The following ADGRL3 variants were observed in gnomAD, a reference collection of about 807,000 sequenced individuals.
ADGRL3 encodes the protein calcium-independent alpha-latrotoxin receptor 3.
Under a neutral mutation model 153.5 loss-of-function variants are expected in ADGRL3, and 62 were observed. The ratio of observed to expected loss-of-function variants is 0.40; its 90% CI spans 0.33 to 0.50. The LOEUF is 0.50. Ranked by LOEUF, ADGRL3 falls within the 20% of genes least tolerant of loss-of-function variation. ADGRL3 has a pLI of 0.47. For synonymous variants in ADGRL3, 710 were observed against 672.5 expected (o/e 1.06, Z -0.86); for missense variants, 1,641 against 1,859.4 (o/e 0.88, Z 2.16).
At chr4:61,806,106 A>G (rs1454367722) in intron 8 of ADGRL3, among the ~76,000 whole-genome samples, 1 of 152,130 alleles carries the variant, frequency 6.6e-6, no homozygotes, top group Non-Finnish European at 1.5e-5. Flanking sequence ...TACGATGTCT[A>G]AGAGATTCTG....
chr4:61,509,920 C>T (rs2098454088), intron 3 of ADGRL3, among the ~76,000 whole-genome samples: 8 of 152,130 alleles, frequency 5.3e-5, no homozygotes, highest in South Asian at 2.1e-4. Context: ...CATAGCCTTG[C>T]CAACACCTGT....
chr4:61,307,434 C>T (rs1232721410), intron 1 of ADGRL3, among the ~76,000 whole-genome samples: 1 of 152,086 alleles, frequency 6.6e-6, no homozygotes, highest in Admixed American at 6.6e-5. Flanking sequence ...ATTCACGTAG[C>T]AAATGAATCA....
intron 1 of ADGRL3, among the ~76,000 whole-genome samples, chr4:61,259,700 G>T (rs1014733341): frequency 6.6e-6 from 1 of 152,056 alleles, no homozygotes; most frequent in Non-Finnish European, 1.5e-5. Context: ...AGGAAAGCAG[G>T]AGTGTTTATT....
chr4:61,986,739 G>C (rs576435445), intron 19 of ADGRL3, among the ~76,000 whole-genome samples: 3 of 152,170 alleles, frequency 2.0e-5, no homozygotes, highest in African/African-American at 7.2e-5. Flanking sequence ...TATATCACAG[G>C]GGGGCATAAC....
At chr4:61,964,652 A>C (rs1370046159) in intron 17 of ADGRL3, among the ~76,000 whole-genome samples, 1 of 152,138 alleles carries the variant, frequency 6.6e-6, no homozygotes, top group Non-Finnish European at 1.5e-5. Flanking sequence ...TTTTAAGTAC[A>C]ATCATAAATC....
At chr4:61,329,091 G>C (rs757117103) in intron 1 of ADGRL3, among the ~76,000 whole-genome samples, 25 of 152,106 alleles carry the variant, frequency 1.6e-4, no homozygotes, top group Non-Finnish European at 3.1e-4. Context: ...AGACATGAAG[G>C]ACTGGTGTTT....
intron 9 of ADGRL3, among the ~76,000 whole-genome samples, chr4:61,859,725 T>A (rs2098320521): frequency 6.6e-6 from 1 of 152,236 alleles, no homozygotes; most frequent in Admixed American, 6.5e-5. Context: ...TGCTGAGGAA[T>A]AACTGAGACT....
intron 2 of ADGRL3, among the ~76,000 whole-genome samples, chr4:61,407,300 A>T (rs958151243): frequency 6.6e-6 from 1 of 152,136 alleles, no homozygotes; most frequent in African/African-American, 2.4e-5. Flanking sequence ...TTGCTTTGTT[A>T]TTACAGAAGT....
chr4:61,762,958 T>G (rs2096930286), intron 8 of ADGRL3, among the ~76,000 whole-genome samples: 1 of 152,088 alleles, frequency 6.6e-6, no homozygotes, highest in African/African-American at 2.4e-5. Context: ...ATCCATTCAG[T>G]TTTGGTGCTA....
chr4:61,549,189 C>A (rs938557386), intron 4 of ADGRL3, among the ~76,000 whole-genome samples: 1 of 151,870 alleles, frequency 6.6e-6, no homozygotes, highest in African/African-American at 2.4e-5. Context: ...GATTTTTTAT[C>A]CTGAGACTTT....
At chr4:61,227,209 C>T (rs1005075236) in intron 1 of ADGRL3, among the ~76,000 whole-genome samples, 18 of 151,394 alleles carry the variant, frequency 1.2e-4, no homozygotes, top group Non-Finnish European at 2.5e-4. Context: ...TGGCACCTCA[C>T]TTTTTTTTTC....
intron 1 of ADGRL3, among the ~76,000 whole-genome samples, chr4:61,347,269 T>A (rs1488070397): frequency 6.6e-6 from 1 of 151,538 alleles, no homozygotes; most frequent in Non-Finnish European, 1.5e-5. Context: ...GCATAGTTAT[T>A]TTTTTTTCCT....
chr4:61,658,882 C>T (rs1039015538), intron 5 of ADGRL3, among the ~76,000 whole-genome samples: 2 of 152,126 alleles, frequency 1.3e-5, no homozygotes, highest in East Asian at 3.9e-4. Flanking sequence ...TTTCCTAGAG[C>T]TGTTGTAACA....
chr4:61,476,353 G>T (rs1196409422), intron 2 of ADGRL3, among the ~76,000 whole-genome samples: 1 of 151,776 alleles, frequency 6.6e-6, no homozygotes, highest in Non-Finnish European at 1.5e-5. Context: ...TCAGCCCCCA[G>T]GTAGCTGGGA....
intron 1 of ADGRL3, among the ~76,000 whole-genome samples, chr4:61,276,819 A>G (rs919643522): frequency 2.0e-5 from 3 of 152,124 alleles, no homozygotes; most frequent in Non-Finnish European, 4.4e-5. Flanking sequence ...CATACTGCTT[A>G]ACACTCATAT....
chr4:61,408,747 A>C (rs1231725643), intron 2 of ADGRL3, among the ~76,000 whole-genome samples: 1 of 152,150 alleles, frequency 6.6e-6, no homozygotes, highest in Non-Finnish European at 1.5e-5. Flanking sequence ...CTAAGATTCA[A>C]ATATAAATTG....
intron 2 of ADGRL3, among the ~76,000 whole-genome samples, chr4:61,409,101 T>C (rs2097046393): frequency 6.7e-6 from 1 of 150,150 alleles, no homozygotes; most frequent in South Asian, 2.1e-4. Context: ...CTTTTCAAGT[T>C]ACATTTTAAA....
intron 6 of ADGRL3, among the ~76,000 whole-genome samples, chr4:61,696,820 C>G (rs1055985152): frequency 6.6e-6 from 1 of 151,740 alleles, no homozygotes; most frequent in African/African-American, 2.4e-5. Flanking sequence ...GGATTATAGG[C>G]GCCTGCCACC....
intron 1 of ADGRL3, among the ~76,000 whole-genome samples, chr4:61,255,290 C>T (rs904493001): frequency 6.6e-6 from 1 of 152,102 alleles, no homozygotes; most frequent in Non-Finnish European, 1.5e-5. Flanking sequence ...CAGACTGATG[C>T]GCTAGAGTTT....
Sources: allele counts gnomAD v4.1 joint callset (sites outside exome capture counted in the v4.1 genomes callset), GRCh38; gene constraint gnomAD v4.1.1; transcripts MANE v1.5; gene names NCBI Gene and HGNC (gene_info 2026-07-23, HGNC 2026-07-21).